The following TTC23 variants were observed in gnomAD, a reference collection of about 807,000 sequenced individuals.
TTC23 encodes the protein tetratricopeptide repeat protein 23.
TTC23 carries 58 observed loss-of-function variants against 55.1 expected under a neutral mutation model. The ratio of observed to expected loss-of-function variants is 1.05; its 90% confidence interval spans 0.85 to 1.31. The LOEUF (loss-of-function observed/expected upper bound fraction) is 1.31, where lower values mean the gene tolerates loss of function less well. Among genes scored for constraint, TTC23 ranks in the 50% most tolerant of loss-of-function variants. The pLI, the probability that TTC23 is intolerant of heterozygous loss-of-function variation, is 0.00. For synonymous variants in TTC23, 203 were observed against 199.9 expected (o/e 1.02, Z -0.13); for missense variants, 516 against 534.4 (o/e 0.97, Z 0.34).
chr15:99,225,229 C>T (rs1358222322), intron 5 of TTC23, among the ~76,000 whole-genome samples: 1 of 152,166 alleles, frequency 6.6e-6, no homozygotes, highest in East Asian at 1.9e-4. Context: ...TTATTTGTTA[C>T]AAGGCATGGT....
intron 4 of TTC23, among the ~76,000 whole-genome samples, chr15:99,232,498 A>C (rs1249780111): frequency 6.6e-6 from 1 of 152,002 alleles, no homozygotes; most frequent in Non-Finnish European, 1.5e-5. Flanking sequence ...AAAAATGATC[A>C]AAGGGCCTGA....
At position 99,202,318 on chromosome 15, in the gene TTC23, T is replaced by C. The variant is rs2076266906; in HGVS notation, c.582-2222A>G. 2.0e-5 allele frequency among the ~76,000 whole-genome samples: 3 copies of C among 152,178 alleles called. 1 individual carries two copies. The South Asian group carries it at 6.2e-4, about 32-fold the overall frequency. On this transcript the variant is annotated intron_variant, in intron 8 of 13. Coordinates refer to ENST00000394132, the MANE Select transcript of TTC23 (RefSeq NM_001288615.3). ...TTCATCTTTTTCCTCGTCATGTTCA[T>C]AAAAGATGCAGTGTGCCATTGAAGT...
intron 10 of TTC23, among the ~76,000 whole-genome samples, chr15:99,165,604 A>G (rs780621590): frequency 2.6e-5 from 4 of 151,902 alleles, no homozygotes; most frequent in Admixed American, 2.0e-4. Context: ...GATTCTTGTA[A>G]CCCTCTCTTT....
At chr15:99,147,642 C>T (rs1567324649) in intron 12 of TTC23, among the ~76,000 whole-genome samples, 1 of 152,184 alleles carries the variant, frequency 6.6e-6, no homozygotes, top group Non-Finnish European at 1.5e-5. Context: ...CTTGAAGAGT[C>T]TTTAAGCACA....
intron 4 of TTC23, 61 bp from the exon 5 acceptor site, chr15:99,228,793 T>C: frequency 1.5e-6 from 2 of 1,338,158 alleles, no homozygotes; most frequent in Non-Finnish European, 2.0e-6. Context: ...CTTTTAGAAA[T>C]ATACATTTCA....
chr15:99,244,032 C>G (rs2080027419), intron 2 of TTC23, among the ~76,000 whole-genome samples: 1 of 152,154 alleles, frequency 6.6e-6, no homozygotes, highest in South Asian at 2.1e-4. Context: ...CAGATACCCA[C>G]TTACTCTGAT....
At position 99,193,881 on chromosome 15, in the gene TTC23, T is replaced by C. The variant is rs1482814102; in HGVS notation, c.759+6038A>G. ...AAAATTAGTTGGATGTGGTTGTGGG[T>C]GCCTGTAATCCCAGCTACTCGGGAG... On this transcript the variant is annotated intron_variant, in intron 9 of 13. Transcript: ENST00000394132. Among the ~76,000 whole-genome samples the C allele has an allele frequency of 2.0e-5, 3 of 151,992 alleles. No individual in the cohort carries two copies. The East Asian group carries it at 5.8e-4, about 29-fold the overall frequency.
chr15:99,160,507 A>C (rs1377571780), intron 11 of TTC23: 1 of 152,224 alleles, frequency 6.6e-6, no homozygotes, highest in African/African-American at 2.4e-5. Context: ...GATGATATAA[A>C]GTATTCAGGA....
rs761891576 is a variant in TTC23, at chr15:99,161,706, AATAACTAGACAATTGTG to A, written c.993+17_993+33del. ...AGTTGCCCTTTGGATATCAACTGTG[AATAACTAGACAATTGTG>A]ATCCAAACTCACTTACCTCTTTTTG... On this transcript the variant is annotated intron_variant, in intron 11 of 13. Coordinates refer to ENST00000394132, the MANE Select transcript of TTC23 (RefSeq NM_001288615.3). 8 of 1,596,870 alleles carry A rather than the reference AATAACTAGACAATTGTG, an allele frequency of 5.0e-6. No homozygotes were observed. The highest frequency in any genetic ancestry group is 6.8e-6 in the Non-Finnish European group (8 of 1,173,102).
At position 99,139,308 on chromosome 15, in the gene TTC23, C is replaced by A. The variant is rs187809618; in HGVS notation, c.1226+9G>T. ...TGAGATAGAGAAAGTGTGAGGGACG[C>A]CAACTCACGTGGACAGCATGCCCAT... On this transcript the variant is annotated intron_variant, in intron 13 of 13. Coordinates refer to ENST00000394132, the MANE Select transcript of TTC23 (RefSeq NM_001288615.3). 6.2e-7 allele frequency: 1 copy of A among 1,610,946 alleles called. No homozygotes were observed. Among genetic ancestry groups the A allele is most frequent in the East Asian group, 2.2e-5 (1 of 44,894 alleles).
At position 99,161,949 on chromosome 15, in the gene TTC23, T is replaced by C. The variant is rs549195704; in HGVS notation, c.866-82A>G. ...CAGAATAAATATACTGTTAGCAGTGTTGAGCTATTTGGAAAGAGGTATTGG... is the reference window on the plus strand; with the variant it reads ...CAGAATAAATATACTGTTAGCAGTGCTGAGCTATTTGGAAAGAGGTATTGG... On this transcript the variant is annotated intron_variant, in intron 10 of 13. Coordinates refer to ENST00000394132, the MANE Select transcript of TTC23 (RefSeq NM_001288615.3). 20 of 1,422,058 alleles carry C rather than the reference T, an allele frequency of 1.4e-5. No homozygotes were observed. In the South Asian group the frequency reaches 2.8e-4, roughly 20 times the overall value. The allele number at this position is 1,422,058 out of a possible 1,614,324, so 88.1% of individuals were successfully genotyped here. A position where few individuals can be genotyped will look rare whatever the true frequency, so the allele number is the denominator to read the frequency against.
At chr15:99,161,487 C>T (rs894162280) in intron 11 of TTC23, among the ~76,000 whole-genome samples, 1 of 152,192 alleles carries the variant, frequency 6.6e-6, no homozygotes, top group African/African-American at 2.4e-5. Flanking sequence ...TAAGCAGGGC[C>T]TGTCCACTAT....
At chr15:99,229,176 T>C (rs142363528) in intron 4 of TTC23, among the ~76,000 whole-genome samples, 1 of 152,050 alleles carries the variant, frequency 6.6e-6, no homozygotes, top group East Asian at 1.9e-4. Flanking sequence ...CCAGTAGAAA[T>C]TAGCTTAGCC....
intron 5 of TTC23, among the ~76,000 whole-genome samples, chr15:99,222,529 C>A (rs1198797215): frequency 1.3e-5 from 2 of 152,176 alleles, no homozygotes; most frequent in African/African-American, 4.8e-5. Flanking sequence ...TCAAAACTTT[C>A]CTTAGCCATC....
intron 12 of TTC23, chr15:99,139,757 T>A (rs1482072155): frequency 6.9e-6 from 9 of 1,313,668 alleles, no homozygotes; most frequent in Non-Finnish European, 9.0e-6. Context: ...GGAAAAGATT[T>A]AAAAAAATAG....
intron 9 of TTC23, among the ~76,000 whole-genome samples, chr15:99,177,364 T>C (rs2073681817): frequency 6.6e-6 from 1 of 152,274 alleles, no homozygotes; most frequent in Non-Finnish European, 1.5e-5. Flanking sequence ...TTAGCCACTG[T>C]CCTTGATTTG....
intron 9 of TTC23, among the ~76,000 whole-genome samples, chr15:99,181,906 C>G (rs1420184264): frequency 6.6e-6 from 1 of 152,128 alleles, no homozygotes; most frequent in African/African-American, 2.4e-5. Flanking sequence ...TCAGTGGCAG[C>G]TCTCCAGTTG....
chr15:99,233,662 T>C (rs1364413815), intron 4 of TTC23, among the ~76,000 whole-genome samples: 1 of 152,196 alleles, frequency 6.6e-6, no homozygotes, highest in African/African-American at 2.4e-5. Flanking sequence ...GACTGAATGC[T>C]TTATCTCTAC....
intron 4 of TTC23, among the ~76,000 whole-genome samples, chr15:99,233,656 G>T (rs1288258762): frequency 4.6e-5 from 7 of 152,138 alleles, no homozygotes; most frequent in African/African-American, 1.7e-4. Flanking sequence ...GTGAAAGACT[G>T]AATGCTTTAT....
Sources: gnomAD v4.1 joint callset for allele counts (sites outside exome capture counted in the v4.1 genomes callset) on GRCh38, gnomAD v4.1.1 for gene constraint, MANE v1.5 for transcripts, NCBI Gene and HGNC (gene_info 2026-07-23, HGNC 2026-07-21) for gene names.